Variants in BRDT observed in about 807,000 individuals in gnomAD.
The protein encoded by BRDT is bromodomain testis associated, also known as bromodomain testis-specific protein.
A neutral mutation model predicts 113.9 loss-of-function variants in BRDT; 77 were observed. That is an observed-to-expected ratio of 0.68 (90% CI 0.56 to 0.82). The LOEUF (loss-of-function observed/expected upper bound fraction) is 0.82. BRDT is among the 40% of genes least tolerant of loss of function. The pLI is 0.00. For synonymous variants in BRDT, 358 were observed against 366.5 expected (o/e 0.98, Z 0.26); for missense variants, 1,027 against 1,105.4 (o/e 0.93, Z 1.01).
chr1:91,990,590 T>C (rs1685660766), intron 12 of BRDT, among the ~76,000 whole-genome samples: 1 of 152,218 alleles, frequency 6.6e-6, no homozygotes, highest in Non-Finnish European at 1.5e-5. Flanking sequence ...AGCTTGTTAC[T>C]GTTATGTAAC....
rs572769233 is a variant in BRDT, at chr1:91,986,321, G to GA, written c.2002+4575dup. Among the ~76,000 whole-genome samples the GA allele has an allele frequency of 4.3e-4, 65 of 150,798 alleles. 2 individuals carry two copies. In the South Asian group the frequency reaches 0.013, roughly 30 times the overall value. On this transcript the variant is annotated intron_variant, in intron 12 of 18. Coordinates refer to ENST00000399546, the MANE Select transcript of BRDT (RefSeq NM_207189.4). Reference sequence around the variant, plus strand: ...TTAATCCTGTGACTAATGATACTGAGAAAAAAAAATCAAAAGGAACAGCTT... The same window carrying GA: ...TTAATCCTGTGACTAATGATACTGAGAAAAAAAAAATCAAAAGGAACAGCTT...
chr1:91,954,020 A>G (rs1273106725), intron 1 of BRDT, among the ~76,000 whole-genome samples: 2 of 151,756 alleles, frequency 1.3e-5, no homozygotes, highest in East Asian at 1.9e-4. Context: ...TGCCCAGGCT[A>G]GAGTACAGTG....
At chr1:91,992,009 A>G (rs1236328274) in intron 13 of BRDT, among the ~76,000 whole-genome samples, 2 of 143,002 alleles carry the variant, frequency 1.4e-5, no homozygotes, top group South Asian at 2.2e-4. Context: ...AAAAAAAAAA[A>G]AAAAAAAAAG....
intron 18 of BRDT, among the ~76,000 whole-genome samples, chr1:92,007,713 G>A (rs747901523): frequency 6.6e-5 from 10 of 151,988 alleles, no homozygotes; most frequent in Non-Finnish European, 1.3e-4. Flanking sequence ...TTCAATTTAC[G>A]TTATACCACC....
At chr1:91,962,333 A>G (rs547898531) in intron 1 of BRDT, among the ~76,000 whole-genome samples, 1 of 147,156 alleles carries the variant, frequency 6.8e-6, no homozygotes, top group African/African-American at 2.5e-5. Flanking sequence ...AAAACACAGT[A>G]TGTGTTAACT....
At chr1:91,977,749 G>A (rs547173812) in intron 6 of BRDT, among the ~76,000 whole-genome samples, 3 of 150,692 alleles carry the variant, frequency 2.0e-5, no homozygotes, top group African/African-American at 2.4e-5. Context: ...CATGCCTATC[G>A]TTCCAGCTAC....
chr1:92,005,154 C>A lies in BRDT; in HGVS notation c.2630C>A (p.Ser877Ter). Residue 877 changes from serine to a stop codon, truncating the protein, a stop_gained, in exon 18 of 19, where the codon TCA becomes TAA. Coordinates refer to ENST00000399546, the MANE Select transcript of BRDT (RefSeq NM_207189.4). LOFTEE classifies it high-confidence loss of function. The stretch of plus-strand genomic sequence containing the variant: ...AATGGATTGACTGTAGAATCTTTTT[C>A]AAATAAAATACAAAACAAGTGCTCT... ...LGNGLTVESF[S>*]NKIQNKCSGE... 1 of 1,535,788 alleles carries A rather than the reference C, an allele frequency of 6.5e-7. No homozygotes were observed. The highest frequency in any genetic ancestry group is 8.7e-7 in the Non-Finnish European group (1 of 1,148,206).
intron 4 of BRDT, among the ~76,000 whole-genome samples, chr1:91,969,446 T>C (rs141285271): frequency 2.4e-3 from 370 of 152,166 alleles, no homozygotes; most frequent in African/African-American, 8.4e-3. Flanking sequence ...CTATGAGATA[T>C]TCACATATTC....
intron 6 of BRDT, among the ~76,000 whole-genome samples, chr1:91,977,706 A>T (rs1318945989): frequency 1.5e-5 from 1 of 65,428 alleles, no homozygotes; most frequent in Non-Finnish European, 3.6e-5. Flanking sequence ...CGTCTCTACT[A>T]AAAAAAAAAA....
At chr1:91,988,143 G>A (rs1033735233) in intron 12 of BRDT, among the ~76,000 whole-genome samples, 3 of 152,090 alleles carry the variant, frequency 2.0e-5, no homozygotes, top group Admixed American at 2.0e-4. Flanking sequence ...CACCGTGCCC[G>A]GCCTATGGTT....
chr1:91,985,417 A>G (rs1360927904), intron 12 of BRDT, among the ~76,000 whole-genome samples: 1 of 150,894 alleles, frequency 6.6e-6, no homozygotes, highest in African/African-American at 2.4e-5. Flanking sequence ...CTGGTCTCAA[A>G]CTCCTGATCT....
chr1:91,964,763 A>T lies in BRDT; in HGVS notation c.329A>T (p.Lys110Met). 1 of 1,475,800 alleles carries T rather than the reference A, an allele frequency of 6.8e-7. No individual in the cohort carries two copies. Among genetic ancestry groups the T allele is most frequent in the Non-Finnish European group, 9.2e-7 (1 of 1,091,278 alleles). 91.4% of individuals were successfully genotyped at this position (1,475,800 alleles called of 1,614,324 possible). The part of the protein sequence containing the change: ...TMFSNCYLYN[K>M]PGDDIVLMAQ... ...TTCTCAAATTGTTATTTATATAACA[A>T]GGTATGTAAGCCTTATGTTATACTT... Residue 110 changes from lysine (K) to methionine (M), a missense_variant and splice_region_variant, in exon 3 of 19, where the codon AAG (lysine) becomes ATG (methionine). By Grantham distance (95) the Lys-to-Met change is moderately conservative. Transcript: ENST00000399546.
At chr1:91,974,960 G>T (rs1415336299) in intron 4 of BRDT, among the ~76,000 whole-genome samples, 4 of 152,068 alleles carry the variant, frequency 2.6e-5, no homozygotes, top group East Asian at 3.9e-4. Context: ...CCATAAAAAA[G>T]GATGAGTTCA....
intron 12 of BRDT, among the ~76,000 whole-genome samples, chr1:91,984,836 A>G (rs534732052): frequency 2.0e-5 from 3 of 152,172 alleles, no homozygotes; most frequent in Non-Finnish European, 4.4e-5. Context: ...ATAGGGTTTC[A>G]ACATGTTTCC....
chr1:92,002,633 T>C lies in BRDT; in HGVS notation c.2388+484T>C, dbSNP rs113397352. ...TCCACCCACCTGGCCTCTCAAAGTG[T>C]TGGGATTACAGGCATGAGCCACCAT... On this transcript the variant is annotated intron_variant, in intron 16 of 18. Transcript: ENST00000399546. Among the ~76,000 whole-genome samples, 1,395 of 152,218 alleles carry C rather than the reference T, an allele frequency of 9.2e-3. 19 individuals carry two copies. The highest frequency in any genetic ancestry group is 0.023 in the African/African-American group (957 of 41,560).
chr1:92,004,530 A>C lies in BRDT; in HGVS notation c.2505A>C (p.Glu835Asp). 1 of 1,613,588 alleles carries C rather than the reference A, an allele frequency of 6.2e-7. No homozygotes were observed. The highest frequency in any genetic ancestry group is 8.5e-7 in the Non-Finnish European group (1 of 1,179,772). The change falls in exon 17 of 19, where the codon GAA becomes GAC. Residue 835 changes from glutamate to aspartate, a missense_variant. Glu to Asp is a conservative substitution (Grantham distance 45, BLOSUM62 2). Coordinates refer to ENST00000399546, the MANE Select transcript of BRDT (RefSeq NM_207189.4). ...LFNQFRKAAI[E>D]KEVKARTQEL... Reference sequence around the variant, plus strand: ...ACCAATTTAGAAAAGCAGCCATAGAAAAGGAAGTAAAAGCTCGGACACAGG... The same window carrying C: ...ACCAATTTAGAAAAGCAGCCATAGACAAGGAAGTAAAAGCTCGGACACAGG...
At chr1:91,965,360 C>A (rs1682952558) in intron 3 of BRDT, among the ~76,000 whole-genome samples, 1 of 151,992 alleles carries the variant, frequency 6.6e-6, no homozygotes, top group Non-Finnish European at 1.5e-5. Flanking sequence ...ACCAAAATAC[C>A]AATGAGAGCT....
At chr1:92,010,073 G>A (rs1687663742) in intron 18 of BRDT, among the ~76,000 whole-genome samples, 1 of 151,590 alleles carries the variant, frequency 6.6e-6, no homozygotes, top group South Asian at 2.1e-4. Context: ...TTGATCACTG[G>A]GTTTCAGCAA....
intron 12 of BRDT, among the ~76,000 whole-genome samples, chr1:91,983,280 T>C (rs1684882187): frequency 6.6e-6 from 1 of 150,556 alleles, no homozygotes; most frequent in African/African-American, 2.4e-5. Flanking sequence ...TTTTTTTTTT[T>C]TTGAGACGGA....
Sources: allele counts gnomAD v4.1 joint callset (sites outside exome capture counted in the v4.1 genomes callset), GRCh38; gene constraint gnomAD v4.1.1; transcripts MANE v1.5; gene names NCBI Gene and HGNC (gene_info 2026-07-23, HGNC 2026-07-21).